Variants in IGF2BP3 observed in about 807,000 individuals in gnomAD.
IGF2BP3 encodes the protein insulin-like growth factor 2 mRNA-binding protein 3.
IGF2BP3 carries 9 observed loss-of-function variants against 73.8 expected under a neutral mutation model. The observed-to-expected ratio is 0.12, with a 90% CI of 0.07 to 0.21. The LOEUF (loss-of-function observed/expected upper bound fraction) is 0.21, where lower values mean the gene tolerates loss of function less well. Among genes scored for constraint, IGF2BP3 ranks in the 10% least tolerant of loss-of-function variants. IGF2BP3 has a pLI of 1.00. For synonymous variants in IGF2BP3, 258 were observed against 256.7 expected (o/e 1.01, Z -0.05); for missense variants, 542 against 714.0 (o/e 0.76, Z 2.75).
intron 3 of IGF2BP3, among the ~76,000 whole-genome samples, chr7:23,381,161 C>T (rs1435840057): frequency 1.3e-5 from 2 of 152,202 alleles, no homozygotes; most frequent in African/African-American, 4.8e-5. Context: ...TCTCTATATC[C>T]ACACAGTAAT....
intron 3 of IGF2BP3, among the ~76,000 whole-genome samples, chr7:23,377,440 AC>A (rs1317774969): frequency 3.3e-5 from 5 of 152,238 alleles, no homozygotes; most frequent in Non-Finnish European, 7.3e-5. Flanking sequence ...CTTCACACCC[AC>A]TAGGATGGCT....
At chr7:23,317,781 G>T in intron 11 of IGF2BP3, 68 bp from the exon 12 acceptor site, 1 of 1,259,742 alleles carries the variant, frequency 7.9e-7, no homozygotes, top group Non-Finnish European at 1.2e-6. Context: ...GGGCCAACCA[G>T]CCTAACATTT....
At chr7:23,319,304 G>A in intron 10 of IGF2BP3, 50 bp from the exon 11 acceptor site, 4 of 1,258,366 alleles carry the variant, frequency 3.2e-6, no homozygotes, top group Non-Finnish European at 4.6e-6. Context: ...TACAAATCAG[G>A]CTTTTGTTAA....
At chr7:23,392,470 AT>A (rs1786311738) in intron 3 of IGF2BP3, among the ~76,000 whole-genome samples, 1 of 150,322 alleles carries the variant, frequency 6.7e-6, no homozygotes, top group Non-Finnish European at 1.5e-5. Context: ...ACACATATAT[AT>A]GTATATATAT....
chr7:23,320,724 G>C (rs899753750), intron 10 of IGF2BP3, among the ~76,000 whole-genome samples: 1 of 150,856 alleles, frequency 6.6e-6, no homozygotes, highest in African/African-American at 2.4e-5. Flanking sequence ...AAGGTGGGTG[G>C]ACTGCTTGAG....
chr7:23,318,273 AG>A (rs749353968), intron 11 of IGF2BP3, among the ~76,000 whole-genome samples: 6 of 152,160 alleles, frequency 3.9e-5, no homozygotes, highest in African/African-American at 7.2e-5. Flanking sequence ...CCTAGGCTGG[AG>A]TGCAGTGGTG....
intron 3 of IGF2BP3, among the ~76,000 whole-genome samples, chr7:23,365,305 T>G (rs187524162): frequency 0.011 from 1,740 of 152,312 alleles, 84 homozygotes; most frequent in Admixed American, 0.088. Context: ...ATAAACATCC[T>G]TCTTAATTCT....
intron 3 of IGF2BP3, among the ~76,000 whole-genome samples, chr7:23,389,046 C>T (rs1334420512): frequency 6.6e-6 from 1 of 152,004 alleles, no homozygotes; most frequent in African/African-American, 2.4e-5. Flanking sequence ...AAAACGTGCA[C>T]TTTAAAGATG....
chr7:23,407,041 T>C (rs1311233408), intron 3 of IGF2BP3, among the ~76,000 whole-genome samples: 1 of 151,998 alleles, frequency 6.6e-6, no homozygotes, highest in Non-Finnish European at 1.5e-5. Context: ...GCAAGGCTGA[T>C]GAAGATTTTA....
intron 3 of IGF2BP3, among the ~76,000 whole-genome samples, chr7:23,391,724 TAAAATGATAAA>T (rs1201573888): frequency 6.6e-6 from 1 of 152,196 alleles, no homozygotes. Context: ...AAAGTCTTTT[TAAAATGATAAA>T]AAGCACTGAT....
chr7:23,372,552 A>G (rs552991585), intron 3 of IGF2BP3, among the ~76,000 whole-genome samples: 2 of 152,170 alleles, frequency 1.3e-5, no homozygotes, highest in Non-Finnish European at 2.9e-5. Context: ...CTTAACTCCC[A>G]CTTATGAGTG....
chr7:23,345,829 G>A (rs1489070844), intron 8 of IGF2BP3, 111 bp downstream of exon 8: 21 of 1,241,022 alleles, frequency 1.7e-5, no homozygotes, highest in East Asian at 2.3e-5. Context: ...GTGTAAGTAC[G>A]GCAGCACAGG....
intron 2 of IGF2BP3, among the ~76,000 whole-genome samples, chr7:23,428,547 T>A (rs1787584402): frequency 6.7e-6 from 1 of 148,960 alleles, no homozygotes; most frequent in East Asian, 1.9e-4. Flanking sequence ...ATATAATATA[T>A]ATTTTTAAAA....
chr7:23,416,311 A>G (rs1180706677), intron 3 of IGF2BP3: 4 of 152,246 alleles, frequency 2.6e-5, no homozygotes. Flanking sequence ...TACATTGCTC[A>G]CAGAGAACTT....
intron 3 of IGF2BP3, among the ~76,000 whole-genome samples, chr7:23,392,451 T>TATATAC (rs367599162): frequency 2.8e-5 from 4 of 144,224 alleles, no homozygotes; most frequent in Admixed American, 7.1e-5. Flanking sequence ...TATATATATA[T>TATATAC]ACACACACAC....
At chr7:23,396,097 C>T (rs927875775) in intron 3 of IGF2BP3, among the ~76,000 whole-genome samples, 4 of 150,312 alleles carry the variant, frequency 2.7e-5, no homozygotes, top group African/African-American at 9.8e-5. Flanking sequence ...AAATTCCCAA[C>T]CAATACACTT....
intron 3 of IGF2BP3, among the ~76,000 whole-genome samples, chr7:23,378,321 T>C (rs1785791719): frequency 6.8e-6 from 1 of 146,008 alleles, no homozygotes; most frequent in Admixed American, 6.7e-5. Flanking sequence ...TGAAAACAAA[T>C]ATCAAATCTG....
chr7:23,441,574 TAAAA>T (rs769391858), intron 2 of IGF2BP3, among the ~76,000 whole-genome samples: 9 of 56,942 alleles, frequency 1.6e-4, no homozygotes, highest in Non-Finnish European at 2.9e-4. Context: ...CTCCATCTCT[TAAAA>T]AAAAAAAAAA....
At chr7:23,396,129 G>T (rs1419233006) in intron 3 of IGF2BP3, among the ~76,000 whole-genome samples, 2 of 150,166 alleles carry the variant, frequency 1.3e-5, no homozygotes, top group Non-Finnish European at 2.9e-5. Flanking sequence ...ATACTGACCA[G>T]CAAGTCCACA....
Sources: allele counts gnomAD v4.1 joint callset (sites outside exome capture counted in the v4.1 genomes callset), GRCh38; gene constraint gnomAD v4.1.1; transcripts MANE v1.5; gene names NCBI Gene and HGNC (gene_info 2026-07-23, HGNC 2026-07-21).